Variants in CYFIP1 observed in about 807,000 individuals in gnomAD.
CYFIP1 encodes the protein cytoplasmic FMR1-interacting protein 1.
CYFIP1 carries 58 observed loss-of-function variants against 163.5 expected under a neutral mutation model. The ratio of observed to expected loss-of-function variants is 0.35; its 90% CI spans 0.29 to 0.44. The LOEUF (loss-of-function observed/expected upper bound fraction) is 0.44, where lower values mean the gene tolerates loss of function less well. CYFIP1 is among the 20% of genes least tolerant of loss of function. The pLI, the probability that CYFIP1 is intolerant of heterozygous loss-of-function variation, is 1.00. For synonymous variants in CYFIP1, 663 were observed against 660.7 expected (o/e 1.00, Z -0.05); for missense variants, 1,338 against 1,653.8 (o/e 0.81, Z 3.31).
intron 16 of CYFIP1, 38 bp downstream of exon 16, chr15:22,916,439 A>G: frequency 6.8e-7 from 1 of 1,474,340 alleles, no homozygotes. Context: ...TGGTGTTAGG[A>G]CATGCCAGGC....
At chr15:22,944,421 C>T in intron 5 of CYFIP1, 137 bp downstream of exon 5, 1 of 632,398 alleles carries the variant, frequency 1.6e-6, no homozygotes, top group East Asian at 2.7e-5. Flanking sequence ...AAGGCTTGGT[C>T]CCTTTTGTCT....
chr15:22,894,342 T>C (rs1186715234), intron 22 of CYFIP1, among the ~76,000 whole-genome samples: 3 of 138,660 alleles, frequency 2.2e-5, no homozygotes, highest in Non-Finnish European at 4.5e-5. Context: ...CAGGCTGGAG[T>C]GCTGTGGTGT....
chr15:22,957,224 C>T (rs191838320), intron 1 of CYFIP1, among the ~76,000 whole-genome samples: 153 of 152,334 alleles, frequency 1.0e-3, no homozygotes, highest in Non-Finnish European at 1.7e-3. Context: ...AACTTGTGGC[C>T]GGGCACGGTG....
rs2059314576 is a variant in CYFIP1, at chr15:22,868,594, G to GAAC, written c.*1431_*1433dup. 1 of 150,088 alleles carries GAAC rather than the reference G, an allele frequency of 6.7e-6. No individual in the cohort carries two copies. The highest frequency in any genetic ancestry group is 1.5e-5 in the Non-Finnish European group (1 of 67,630). 9.3% of individuals were successfully genotyped at this position (150,088 alleles called of 1,614,324 possible). A position where few individuals can be genotyped will look rare whatever the true frequency, so the allele number is the denominator to read the frequency against. On this transcript the variant is annotated 3_prime_UTR_variant, in exon 31 of 31. Coordinates refer to ENST00000617928, the MANE Select transcript of CYFIP1 (RefSeq NM_014608.6). ...TCACATTACCAAAAGCATTTTTAGG[G>GAAC]AACTTTTTATAAAGAAAGAATAATT...
At chr15:22,916,432 T>A (rs377263908) in intron 16 of CYFIP1, 45 bp downstream of exon 16, 8 of 1,403,876 alleles carry the variant, frequency 5.7e-6, no homozygotes, top group Non-Finnish European at 7.0e-6. Context: ...GTGTTAGTGG[T>A]GTTAGGACAT....
chr15:22,977,557 G>A (rs769477229), intron 1 of CYFIP1, among the ~76,000 whole-genome samples: 8 of 152,112 alleles, frequency 5.3e-5, no homozygotes, highest in Non-Finnish European at 7.3e-5. Flanking sequence ...TTGGGTGGGC[G>A]CGGTGGTTCA....
intron 1 of CYFIP1, among the ~76,000 whole-genome samples, chr15:22,972,194 G>A (rs1212501917): frequency 6.6e-6 from 1 of 152,148 alleles, no homozygotes; most frequent in Non-Finnish European, 1.5e-5. Context: ...CCAGCACTTT[G>A]GGAGGCTGAG....
At chr15:22,889,249 G>A (rs1377190352) in intron 23 of CYFIP1, among the ~76,000 whole-genome samples, 4 of 152,154 alleles carry the variant, frequency 2.6e-5, no homozygotes, top group Non-Finnish European at 5.9e-5. Flanking sequence ...CATCAGCTTT[G>A]CAAATGCCTC....
intron 26 of CYFIP1, among the ~76,000 whole-genome samples, chr15:22,876,113 T>G (rs1035417593): frequency 6.6e-6 from 1 of 151,756 alleles, no homozygotes; most frequent in African/African-American, 2.4e-5. Context: ...CCCACAGCCA[T>G]GCTGAAATCT....
chr15:22,873,748 G>A lies in CYFIP1; in HGVS notation c.3211-19C>T, dbSNP rs56962347. 2.0e-3 allele frequency: 3,111 copies of A among 1,592,108 alleles called. 49 individuals carry two copies. The African/African-American group carries it at 0.037, about 19-fold the overall frequency. On this transcript the variant is annotated intron_variant, in intron 28 of 30. Transcript: ENST00000617928. ...CAATTTGCTGCAGAAAGGACAAGCC[G>A]TGGAATGCCGTGGGCCTCCAGGCAT...
rs2059476172 is a variant in CYFIP1, at chr15:22,872,854, C to T, written c.3568G>A (p.Asp1190Asn). ...CYHLLKVQKH[D>N]GKDEIIKNVP... is the part of the protein sequence containing the mutation. ...TTTTTAATAATCTCATCTTTGCCATCATGTTTCTGGACTTTAAGTAGATGG... is the reference window on the plus strand; with the variant it reads ...TTTTTAATAATCTCATCTTTGCCATTATGTTTCTGGACTTTAAGTAGATGG... The change falls in exon 30 of 31, where the codon GAT becomes AAT. Residue 1190 changes from aspartate (D) to asparagine (N), a missense_variant. Asp to Asn is a conservative substitution (Grantham distance 23). Transcript: ENST00000617928. 3 of 1,613,968 alleles carry T rather than the reference C, an allele frequency of 1.9e-6. No homozygotes were observed. The African/African-American group carries it at 4.0e-5, about 22-fold the overall frequency.
chr15:22,916,753 C>G (rs774114991), intron 15 of CYFIP1, 123 bp from the exon 16 acceptor site: 1 of 1,609,984 alleles, frequency 6.2e-7, no homozygotes, highest in East Asian at 2.2e-5. Context: ...GGGCCCCGCA[C>G]CAGCTCCCCG....
At chr15:22,889,704 G>C (rs1566932753) in intron 23 of CYFIP1, among the ~76,000 whole-genome samples, 1 of 152,120 alleles carries the variant, frequency 6.6e-6, no homozygotes, top group Admixed American at 6.6e-5. Flanking sequence ...TCTCTGCCCA[G>C]TGCCCTCTGC....
chr15:22,905,356 T>C (rs1288252132), intron 21 of CYFIP1: 1 of 152,178 alleles, frequency 6.6e-6, no homozygotes, highest in Non-Finnish European at 1.5e-5. Flanking sequence ...TTTGGTTTTC[T>C]TCTTGAGGAA....
intron 1 of CYFIP1, among the ~76,000 whole-genome samples, chr15:22,964,139 T>C (rs2062799736): frequency 6.7e-6 from 1 of 150,020 alleles, no homozygotes; most frequent in African/African-American, 2.5e-5. Flanking sequence ...CTATTACGCA[T>C]ATGTATCACT....
chr15:22,906,132 A>T lies in CYFIP1; in HGVS notation c.2389-2227T>A, dbSNP rs571687411. ...TTATTTTTTTTTTTCTTTGAGACAG[A>T]GTCTTGCTCTGTTGCCTAGGCTGGA... is the stretch of plus-strand genomic sequence containing the variant. On this transcript the variant is annotated intron_variant, in intron 21 of 30. Transcript: ENST00000617928. Among the ~76,000 whole-genome samples, 2 of 149,954 alleles carry T rather than the reference A, an allele frequency of 1.3e-5. 1 individual carries two copies. The highest frequency in any genetic ancestry group is 4.9e-5 in the African/African-American group (2 of 40,618).
intron 30 of CYFIP1, among the ~76,000 whole-genome samples, chr15:22,870,507 T>G (rs1158239101): frequency 1.3e-5 from 2 of 152,060 alleles, no homozygotes; most frequent in Admixed American, 6.5e-5. Context: ...AGACAAGGTC[T>G]TATTATGCTG....
chr15:22,949,222 TC>T (rs999776961), intron 1 of CYFIP1, among the ~76,000 whole-genome samples: 7 of 151,844 alleles, frequency 4.6e-5, no homozygotes, highest in Admixed American at 6.6e-5. Context: ...GGCCGCGGAT[TC>T]CCCCCGGGGA....
At chr15:22,923,942 C>CAAAAAAAAAAAAAAAAAAA (rs916058496) in intron 13 of CYFIP1, among the ~76,000 whole-genome samples, 2 of 61,816 alleles carry the variant, frequency 3.2e-5, no homozygotes, top group African/African-American at 7.3e-5. Flanking sequence ...ACCTTGTCTC[C>CAAAAAAAAAAAAAAAAAAA]AAAAAAAAAA....
Sources: gnomAD v4.1 joint callset for allele counts (sites outside exome capture counted in the v4.1 genomes callset) on GRCh38, gnomAD v4.1.1 for gene constraint, MANE v1.5 for transcripts, NCBI Gene and HGNC (gene_info 2026-07-23, HGNC 2026-07-21) for gene names.